PCGF5: variants seen among roughly 807,000 people sequenced by gnomAD.
PCGF5 encodes polycomb group ring finger 5.
Under a neutral mutation model 44.3 loss-of-function variants are expected in PCGF5, and 9 were observed. The observed-to-expected ratio is 0.20, with a 90% confidence interval of 0.12 to 0.35. The LOEUF is 0.35. Among genes scored for constraint, PCGF5 ranks in the 10% least tolerant of loss-of-function variants. PCGF5 has a pLI of 1.00. For missense variants in PCGF5, 146 were observed against 305.3 expected (o/e 0.48, Z 3.89); for synonymous variants, 95 against 102.5 (o/e 0.93, Z 0.44).
rs538134779 is a variant in PCGF5, at chr10:91,176,383, T to C, written c.-184+13302T>C. Among the ~76,000 whole-genome samples the C allele has an allele frequency of 7.2e-5, 11 of 152,342 alleles. No homozygotes were observed. In the East Asian group the frequency reaches 1.7e-3, roughly 24 times the overall value. On this transcript the variant is annotated intron_variant, in intron 1 of 9. Coordinates refer to the PCGF5 transcript ENST00000614189. Reference sequence around the variant, plus strand: ...TCAAGTTTGGTGAATCTGACAATTATGTGTCTTGGAGTTGCTCTTCTCAAG... The same window carrying C: ...TCAAGTTTGGTGAATCTGACAATTACGTGTCTTGGAGTTGCTCTTCTCAAG...
At chr10:91,163,725 G>A (rs1041439963) in intron 1 of PCGF5, among the ~76,000 whole-genome samples, 2 of 152,076 alleles carry the variant, frequency 1.3e-5, no homozygotes, top group African/African-American at 4.8e-5. Flanking sequence ...CGTTGGGGAG[G>A]GCGCGGTGGC....
chr10:91,263,985 A>G (rs569619500), intron 7 of PCGF5, among the ~76,000 whole-genome samples: 2 of 152,322 alleles, frequency 1.3e-5, no homozygotes, highest in South Asian at 4.1e-4. Context: ...ATAAGAAGAT[A>G]GTAACCCCTT....
intron 2 of PCGF5, 136 bp downstream of exon 2, chr10:91,223,119 A>G (rs1589377403): frequency 1.5e-6 from 1 of 649,170 alleles, no homozygotes; most frequent in Non-Finnish European, 2.6e-6. Flanking sequence ...TTAACTTTGA[A>G]TTTTCAGAAT....
At chr10:91,263,268 CTAAG>C (rs1481258632) in intron 7 of PCGF5, among the ~76,000 whole-genome samples, 8 of 152,062 alleles carry the variant, frequency 5.3e-5, no homozygotes, top group Non-Finnish European at 1.2e-4. Flanking sequence ...AAAATGCATC[CTAAG>C]TGAGACCCTT....
chr10:91,228,848 G>A (rs1328829451), intron 2 of PCGF5, among the ~76,000 whole-genome samples: 1 of 152,130 alleles, frequency 6.6e-6, no homozygotes, highest in Non-Finnish European at 1.5e-5. Flanking sequence ...TGCACATTTT[G>A]GGGCTTCACT....
chr10:91,205,588 T>C (rs1354453100), intron 1 of PCGF5, among the ~76,000 whole-genome samples: 3 of 152,194 alleles, frequency 2.0e-5, no homozygotes, highest in African/African-American at 7.2e-5. Flanking sequence ...ATTGAACTAT[T>C]CCTCTATCCA....
At chr10:91,162,132 GTGT>G (rs1360764393), upstream of PCGF5, among the ~76,000 whole-genome samples, 1 of 152,032 alleles carries the variant, frequency 6.6e-6, no homozygotes, top group Non-Finnish European at 1.5e-5. Flanking sequence ...CACATTTCAG[GTGT>G]TGTCTGTAAA....
At chr10:91,264,066 G>C (rs1845989278) in intron 7 of PCGF5, among the ~76,000 whole-genome samples, 1 of 152,118 alleles carries the variant, frequency 6.6e-6, no homozygotes, top group Non-Finnish European at 1.5e-5. Flanking sequence ...GGAACTGTGA[G>C]GTTTCTGCAG....
intron 2 of PCGF5, among the ~76,000 whole-genome samples, chr10:91,232,836 A>C (rs1845048077): frequency 6.6e-6 from 1 of 152,146 alleles, no homozygotes; most frequent in Non-Finnish European, 1.5e-5. Flanking sequence ...AGAGAGGAGA[A>C]GGTGTGAAAT....
intron 1 of PCGF5, among the ~76,000 whole-genome samples, chr10:91,183,415 C>CT (rs200887569): frequency 0.034 from 4,868 of 145,206 alleles, 175 homozygotes; most frequent in East Asian, 0.086. Context: ...GCAACCTCTG[C>CT]TTTTTTTTTT....
chr10:91,168,595 C>T (rs1383433548), intron 1 of PCGF5, among the ~76,000 whole-genome samples: 1 of 151,964 alleles, frequency 6.6e-6, no homozygotes, highest in Non-Finnish European at 1.5e-5. Flanking sequence ...AGGGAGAAGG[C>T]AATGACTTGA....
chr10:91,194,671 A>G (rs1844095367), intron 1 of PCGF5, among the ~76,000 whole-genome samples: 1 of 152,178 alleles, frequency 6.6e-6, no homozygotes, highest in African/African-American at 2.4e-5. Context: ...AGGTGAGGAG[A>G]AAAAGGTCTC....
chr10:91,210,193 C>T (rs1844422798), intron 1 of PCGF5, among the ~76,000 whole-genome samples: 2 of 152,178 alleles, frequency 1.3e-5, no homozygotes, highest in African/African-American at 4.8e-5. Context: ...ATGCCCTTCC[C>T]CTTATAGCAA....
chr10:91,216,410 C>A (rs1208104833), upstream of PCGF5, among the ~76,000 whole-genome samples: 1 of 152,062 alleles, frequency 6.6e-6, no homozygotes, highest in East Asian at 1.9e-4. Context: ...TACATTATGG[C>A]TGGAGCACAG....
At position 91,240,535 on chromosome 10, in the gene PCGF5, G is replaced by A. The variant is rs530214236; in HGVS notation, c.164G>A (p.Arg55Lys). The A allele has an allele frequency of 1.9e-5, 31 of 1,611,796 alleles. 1 individual carries two copies. In the South Asian group the frequency reaches 2.4e-4, roughly 13 times the overall value. ...QHFEDSNDCP[R>K]CGNQVHETNP... ...TTTGAAGATAGCAATGATTGCCCAA[G>A]GTGTGGCAACCAAGTTCATGAGACA... is the stretch of plus-strand genomic sequence containing the variant. Residue 55 changes from arginine to lysine, a missense_variant, in exon 3 of 10, where the codon AGG becomes AAG. Physicochemically the swap from Arg to Lys is conservative, Grantham distance 26. Coordinates refer to ENST00000336126, the MANE Select transcript of PCGF5 (RefSeq NM_032373.5).
chr10:91,274,516 G>A (rs1485312791), intron 9 of PCGF5, among the ~76,000 whole-genome samples: 1 of 152,138 alleles, frequency 6.6e-6, no homozygotes, highest in East Asian at 1.9e-4. Context: ...TATGCATTGG[G>A]CAGTCTTCTA....
intron 1 of PCGF5, among the ~76,000 whole-genome samples, chr10:91,184,538 C>T (rs1291507670): frequency 6.6e-6 from 1 of 152,160 alleles, no homozygotes; most frequent in Non-Finnish European, 1.5e-5. Flanking sequence ...TATCCATATT[C>T]TGAATTCTAC....
intron 1 of PCGF5, among the ~76,000 whole-genome samples, chr10:91,208,751 C>A (rs527890219): frequency 6.6e-6 from 1 of 152,168 alleles, no homozygotes; most frequent in African/African-American, 2.4e-5. Context: ...TTTTGCATTT[C>A]TCTTGAAATC....
chr10:91,227,987 G>C (rs574753880), intron 2 of PCGF5: 1 of 924,642 alleles, frequency 1.1e-6, no homozygotes, highest in Admixed American at 6.2e-5. Flanking sequence ...TCCTTTCAAA[G>C]ATTCAAATGC....
Sources: allele counts gnomAD v4.1 joint callset (sites outside exome capture counted in the v4.1 genomes callset), GRCh38; gene constraint gnomAD v4.1.1; transcripts MANE v1.5; gene names NCBI Gene and HGNC (gene_info 2026-07-23, HGNC 2026-07-21).